DISP1: variants seen among roughly 807,000 people sequenced by gnomAD.
The protein encoded by DISP1 is protein dispatched homolog 1.
A neutral mutation model predicts 37.3 loss-of-function variants in DISP1; 30 were observed. That is an observed-to-expected ratio of 0.80 (90% confidence interval 0.60 to 1.09). The LOEUF (loss-of-function observed/expected upper bound fraction) is 1.09, where lower values mean the gene tolerates loss of function less well. DISP1 is among the 50% of genes least tolerant of loss of function. The pLI, the probability that DISP1 is intolerant of heterozygous loss-of-function variation, is 0.00. For synonymous variants in DISP1, 634 were observed against 690.2 expected (o/e 0.92, Z 1.28); for missense variants, 1,598 against 1,879.5 (o/e 0.85, Z 2.77).
chr1:222,903,435 AC>A (rs1368946526), intron 1 of DISP1, among the ~76,000 whole-genome samples: 1 of 148,278 alleles, frequency 6.7e-6, no homozygotes, highest in Non-Finnish European at 1.5e-5. Context: ...GTACCCTAAA[AC>A]TTAAAGTATA....
chr1:223,005,104 A>G lies in DISP1; in HGVS notation c.3707A>G (p.Asn1236Ser), dbSNP rs758505802. 7.4e-6 allele frequency: 12 copies of G among 1,614,178 alleles called. No homozygotes were observed. The South Asian group carries it at 1.1e-4, about 15-fold the overall frequency. Reference protein sequence around the residue: ...NLGMPVHAAYNSELSKSTESD... With the variant: ...NLGMPVHAAYSSELSKSTESD... ...GGGATGCCTGTGCATGCAGCTTACA[A>G]CAGTGAACTCAGCAAAAGCACTGAA... Residue 1236 changes from asparagine (N) to serine (S), a missense_variant, in exon 9 of 9, where the codon AAC (asparagine) becomes AGC (serine). Physicochemically the swap from Asn to Ser is conservative, Grantham distance 46. Coordinates refer to ENST00000675850, the MANE Select transcript of DISP1 (RefSeq NM_001377229.1).
At chr1:222,849,143 C>T (rs570552277) in intron 1 of DISP1, among the ~76,000 whole-genome samples, 1 of 152,220 alleles carries the variant, frequency 6.6e-6, no homozygotes, top group Admixed American at 6.5e-5. Context: ...ATGCTTCTTT[C>T]AGTTATTTGA....
intron 3 of DISP1, among the ~76,000 whole-genome samples, chr1:222,972,463 AC>A (rs1221614797): frequency 6.6e-6 from 1 of 152,086 alleles, no homozygotes. Context: ...TACTCAAGAA[AC>A]TTTAGCCACT....
At chr1:222,929,818 C>T (rs780842696) in intron 2 of DISP1, among the ~76,000 whole-genome samples, 12 of 152,000 alleles carry the variant, frequency 7.9e-5, no homozygotes, top group Non-Finnish European at 1.5e-4. Flanking sequence ...TCATTGCCAA[C>T]GTATCAAATA....
chr1:222,995,142 C>T (rs894839755), intron 8 of DISP1, among the ~76,000 whole-genome samples, 160 bp downstream of exon 8: 1 of 152,152 alleles, frequency 6.6e-6, no homozygotes, highest in Non-Finnish European at 1.5e-5. Context: ...TCTTTCAGAT[C>T]CCAGGATCAA....
chr1:222,990,706 A>G lies in DISP1; in HGVS notation c.621A>G (p.Gly207=), dbSNP rs1026765800. 6.2e-7 allele frequency: 1 copy of G among 1,614,092 alleles called. No individual in the cohort carries two copies. The change falls in exon 5 of 9, where the codon GGA becomes GGG. Residue 207 remains glycine, a synonymous_variant. Transcript: ENST00000675850. Reference sequence around the variant, plus strand: ...TCATCGTAGTCTGTGCCTTGGTTGGAGTATTAGTGCCAGAGCTCCCTGACT... The same window carrying G: ...TCATCGTAGTCTGTGCCTTGGTTGGGGTATTAGTGCCAGAGCTCCCTGACT... ...TMFIVVCALV[G]VLVPELPDFS...
intron 2 of DISP1, among the ~76,000 whole-genome samples, chr1:222,939,343 T>C (rs200798622): frequency 6.8e-6 from 1 of 146,934 alleles, no homozygotes; most frequent in East Asian, 2.0e-4. Flanking sequence ...ATTCTGATTA[T>C]GAAGAAAAAT....
intron 1 of DISP1, among the ~76,000 whole-genome samples, chr1:222,907,775 C>G (rs1671983945): frequency 6.6e-6 from 1 of 152,020 alleles, no homozygotes; most frequent in Admixed American, 6.6e-5. Context: ...CATGGTGAAA[C>G]CCCGTCTCTA....
intron 1 of DISP1, among the ~76,000 whole-genome samples, chr1:222,900,504 C>A (rs2125403786): frequency 6.6e-6 from 1 of 152,166 alleles, no homozygotes; most frequent in Admixed American, 6.5e-5. Context: ...CTTCTGTTTT[C>A]TTTTTTCTGT....
At chr1:222,871,070 T>G (rs1208655264) in intron 1 of DISP1, among the ~76,000 whole-genome samples, 19 of 152,238 alleles carry the variant, frequency 1.2e-4, no homozygotes, top group Non-Finnish European at 2.4e-4. Context: ...TTGCTTGTTT[T>G]TGTCAGGTTT....
chr1:222,872,547 C>G (rs1669653875), intron 1 of DISP1: 1 of 152,160 alleles, frequency 6.6e-6, no homozygotes, highest in Non-Finnish European at 1.5e-5. Flanking sequence ...TCTAGATTTT[C>G]TAGTTTATTT....
chr1:222,864,842 A>T (rs942606426), intron 1 of DISP1, among the ~76,000 whole-genome samples: 10 of 152,186 alleles, frequency 6.6e-5, no homozygotes, highest in African/African-American at 2.2e-4. Flanking sequence ...CTTGAAGGTA[A>T]CTTATGAGCA....
At chr1:222,876,974 C>T (rs150008834) in intron 1 of DISP1, among the ~76,000 whole-genome samples, 10 of 152,108 alleles carry the variant, frequency 6.6e-5, no homozygotes, top group Admixed American at 2.0e-4. Flanking sequence ...AAATATTGCA[C>T]GCAAATTAAG....
Position 222,866,882 on chromosome 1 carries a change from A to G in DISP1, c.-159+51804A>G, listed in dbSNP as rs1453273122. On this transcript the variant is annotated intron_variant, in intron 1 of 8. Transcript: ENST00000675850. The stretch of plus-strand genomic sequence containing the variant: ...TGCAGCGGAATACTTGCAAAAAAAT[A>G]CATCAATCTTTTAAAAGACACATAG... Among the ~76,000 whole-genome samples the G allele has an allele frequency of 2.0e-5, 3 of 152,222 alleles. No individual in the cohort carries two copies. The East Asian group carries it at 5.8e-4, about 29-fold the overall frequency.
At chr1:222,931,368 A>C (rs1019079256) in intron 2 of DISP1, among the ~76,000 whole-genome samples, 1 of 151,674 alleles carries the variant, frequency 6.6e-6, no homozygotes, top group Non-Finnish European at 1.5e-5. Flanking sequence ...TCTTTTAGAC[A>C]TGCTTGTGAT....
At chr1:222,924,374 A>G (rs191990087) in intron 1 of DISP1, among the ~76,000 whole-genome samples, 3 of 152,276 alleles carry the variant, frequency 2.0e-5, no homozygotes, top group Admixed American at 2.0e-4. Flanking sequence ...AGATCATCTC[A>G]TCTAGTGTTT....
At chr1:222,976,565 C>T (rs2102668088) in intron 3 of DISP1, among the ~76,000 whole-genome samples, 1 of 151,864 alleles carries the variant, frequency 6.6e-6, no homozygotes, top group East Asian at 1.9e-4. Flanking sequence ...TTTTCTTTTC[C>T]AACTGATGTT....
At chr1:222,835,847 G>A (rs1227616484) in intron 1 of DISP1, among the ~76,000 whole-genome samples, 1 of 151,896 alleles carries the variant, frequency 6.6e-6, no homozygotes, top group Admixed American at 6.6e-5. Context: ...AGCTACTTGG[G>A]AGGCTGAGGC....
At chr1:222,920,281 TCTC>T (rs887901807) in intron 1 of DISP1, among the ~76,000 whole-genome samples, 4 of 152,150 alleles carry the variant, frequency 2.6e-5, no homozygotes, top group African/African-American at 9.7e-5. Context: ...AAGGAGTAAA[TCTC>T]CTGCCAAGAG....
Sources: allele counts gnomAD v4.1 joint callset (sites outside exome capture counted in the v4.1 genomes callset), GRCh38; gene constraint gnomAD v4.1.1; transcripts MANE v1.5; gene names NCBI Gene and HGNC (gene_info 2026-07-23, HGNC 2026-07-21).